The following RASA1 variants were observed in gnomAD, a reference collection of about 807,000 sequenced individuals.
RASA1 encodes the protein ras GTPase-activating protein 1.
A neutral mutation model predicts 132.2 loss-of-function variants in RASA1; 25 were observed. The observed-to-expected ratio is 0.19, with a 90% CI of 0.14 to 0.26. The LOEUF (loss-of-function observed/expected upper bound fraction) is 0.26. RASA1 is among the 10% of genes least tolerant of loss of function. RASA1 has a pLI of 1.00. For synonymous variants in RASA1, 477 were observed against 449.9 expected (o/e 1.06, Z -0.76); for missense variants, 964 against 1,299.2 (o/e 0.74, Z 3.97).
At chr5:87,290,649 T>C (rs192402236) in intron 1 of RASA1, among the ~76,000 whole-genome samples, 20 of 152,336 alleles carry the variant, frequency 1.3e-4, no homozygotes, top group Admixed American at 5.9e-4. Flanking sequence ...CTGTTCATTC[T>C]TCCTTCCCCC....
intron 9 of RASA1, among the ~76,000 whole-genome samples, chr5:87,357,112 TCTGC>T (rs1759708197): frequency 6.6e-6 from 1 of 152,208 alleles, no homozygotes; most frequent in African/African-American, 2.4e-5. Context: ...AGTCTTCCTC[TCTGC>T]CTATCTAAAT....
intron 20 of RASA1, 110 bp downstream of exon 20, chr5:87,380,705 C>A: frequency 9.8e-7 from 1 of 1,019,074 alleles, no homozygotes; most frequent in Non-Finnish European, 1.5e-6. Flanking sequence ...GCTTTTATGT[C>A]AAAGCCCTGT....
intron 15 of RASA1, chr5:87,376,156 T>G: frequency 1.8e-6 from 1 of 557,532 alleles, no homozygotes; most frequent in Non-Finnish European, 3.2e-6. Context: ...AACTGACCTC[T>G]ATGCAACTCA....
In RASA1 at chr5:87,378,432, C is replaced by T. The variant is rs765402218; in HGVS notation, c.2381C>T (p.Ala794Val). 4.3e-6 allele frequency: 7 copies of T among 1,612,828 alleles called. No homozygotes were observed. In the South Asian group the frequency reaches 5.5e-5, roughly 13 times the overall value. ...ATTLFRATTL[A>V]STLMEQYMKA... Reference sequence around the variant, plus strand: ...ACCCTATTTCGAGCCACAACACTTGCAAGCACCTTGATGGAGCAGTATATG... The same window carrying T: ...ACCCTATTTCGAGCCACAACACTTGTAAGCACCTTGATGGAGCAGTATATG... The change falls in exon 18 of 25, where the codon GCA becomes GTA. Residue 794 changes from alanine (A) to valine (V), a missense_variant. By Grantham distance (64) the Ala-to-Val change is moderately conservative. This residue lies in a region of RASA1 where 346 missense variants were observed against 520.1 expected (regional missense o/e 0.67). Transcript: ENST00000274376.
chr5:87,347,656 A>G (rs949858955), intron 7 of RASA1, among the ~76,000 whole-genome samples: 7 of 152,004 alleles, frequency 4.6e-5, no homozygotes, highest in Non-Finnish European at 8.8e-5. Flanking sequence ...GAAAGATTTG[A>G]GATAGTTTTT....
chr5:87,287,072 C>CATATATACACACCAT lies in RASA1; in HGVS notation c.539+18135_539+18149dup, dbSNP rs1199473684. Among the ~76,000 whole-genome samples, 615 of 136,456 alleles carry CATATATACACACCAT rather than the reference C, an allele frequency of 4.5e-3. 10 individuals are homozygous for CATATATACACACCAT. Among genetic ancestry groups the CATATATACACACCAT allele is most frequent in the African/African-American group, 0.01 (353 of 34,580 alleles). The allele number at this position is 136,456 out of a possible 152,430, so 89.5% of individuals were successfully genotyped here. A position where few individuals can be genotyped will look rare whatever the true frequency, so the allele number is the denominator to read the frequency against. On this transcript the variant is annotated intron_variant, in intron 1 of 24. Coordinates refer to ENST00000274376, the MANE Select transcript of RASA1 (RefSeq NM_002890.3). ...ATATATACCCCATGTATATACACAC[C>CATATATACACACCAT]ATATATACACACCATATATATACAC... is the stretch of plus-strand genomic sequence containing the variant.
At chr5:87,339,805 T>C (rs925877444) in intron 5 of RASA1, among the ~76,000 whole-genome samples, 1 of 152,134 alleles carries the variant, frequency 6.6e-6, no homozygotes, top group African/African-American at 2.4e-5. Flanking sequence ...ATAAACAATT[T>C]TCACTCCAAT....
At chr5:87,342,612 A>G (rs1396045270) in intron 6 of RASA1, among the ~76,000 whole-genome samples, 1 of 152,204 alleles carries the variant, frequency 6.6e-6, no homozygotes, top group East Asian at 1.9e-4. Flanking sequence ...GGTACATGGA[A>G]CTGTGTCCCT....
rs772125504 is a variant in RASA1, at chr5:87,268,566, C to G, written c.115C>G (p.Pro39Ala). ...AYPAVCRVKI[P>A]AALPVAAAPY... ...TCCCGCAGTGTGTCGGGTGAAGATACCCGCGGCCCTGCCTGTGGCAGCCGC... is the reference window on the plus strand; with the variant it reads ...TCCCGCAGTGTGTCGGGTGAAGATAGCCGCGGCCCTGCCTGTGGCAGCCGC... Residue 39 changes from proline (P) to alanine (A), a missense_variant, in exon 1 of 25, where the codon CCC (proline) becomes GCC (alanine). Coordinates refer to ENST00000274376, the MANE Select transcript of RASA1 (RefSeq NM_002890.3). 2.5e-6 allele frequency: 4 copies of G among 1,606,484 alleles called. No homozygotes were observed.
intron 23 of RASA1, among the ~76,000 whole-genome samples, chr5:87,387,367 G>A (rs1409426681): frequency 2.0e-5 from 3 of 152,148 alleles, no homozygotes; most frequent in East Asian, 1.9e-4. Flanking sequence ...CATTCAGTGT[G>A]AATATCTGTG....
Position 87,301,098 on chromosome 5 carries a change from G to A in RASA1, c.540-30250G>A, listed in dbSNP as rs148702002. Among the ~76,000 whole-genome samples the A allele has an allele frequency of 2.7e-3, 406 of 152,306 alleles. 5 individuals are homozygous for A. Among genetic ancestry groups the A allele is most frequent in the East Asian group, 8.3e-3 (43 of 5,186 alleles). Reference sequence around the variant, plus strand: ...ACATTTGGCAGTATTGGGGGGTTAAGGGAGATTAAGTCCAAGACAATATAA... The same window carrying A: ...ACATTTGGCAGTATTGGGGGGTTAAAGGAGATTAAGTCCAAGACAATATAA... On this transcript the variant is annotated intron_variant, in intron 1 of 24. Coordinates refer to ENST00000274376, the MANE Select transcript of RASA1 (RefSeq NM_002890.3).
chr5:87,369,896 C>T lies in RASA1; in HGVS notation c.1694C>T (p.Ala565Val), dbSNP rs776428635. 6.2e-7 allele frequency: 1 copy of T among 1,603,628 alleles called. No individual in the cohort carries two copies. Residue 565 changes from alanine (A) to valine (V), a missense_variant, in exon 12 of 25, where the codon GCA (alanine) becomes GTA (valine). Around this residue, in one of 6 missense-constraint regions of RASA1, gnomAD observed 346 missense variants for 520.1 expected, o/e 0.67. Transcript: ENST00000274376. ...TTTGCAGGAGAAACTCCAGAACAAG[C>T]AGAGGTAAGATTACTGTTTCTCAAA... ...FYFAGETPEQ[A>V]EDWMKGLQAF...
chr5:87,268,100 C>T lies in RASA1; in HGVS notation c.-352C>T. The T allele has an allele frequency of 2.4e-6, 1 of 417,788 alleles. No homozygotes were observed. The allele number at this position is 417,788 out of a possible 1,614,324, so 25.9% of individuals were successfully genotyped here. A position where few individuals can be genotyped will look rare whatever the true frequency, so the allele number is the denominator to read the frequency against. On this transcript the variant is annotated 5_prime_UTR_variant, in exon 1 of 25. Transcript: ENST00000274376. ...GTGGCGGCTGAAGGAGCGGTAGCAG[C>T]CTCAGCCTCTTTCCCTGTGCTTCCT...
Position 87,341,339 on chromosome 5 carries a change from A to T in RASA1, c.1049+18A>T. The T allele has an allele frequency of 7.8e-7, 1 of 1,285,276 alleles. No individual in the cohort carries two copies. Among genetic ancestry groups the T allele is most frequent in the Non-Finnish European group, 9.8e-7 (1 of 1,020,004 alleles). 79.6% of individuals were successfully genotyped at this position (1,285,276 alleles called of 1,614,324 possible). On this transcript the variant is annotated intron_variant, in intron 6 of 24. Coordinates refer to ENST00000274376, the MANE Select transcript of RASA1 (RefSeq NM_002890.3). ...GGAAAAATGTGAGTTTGTGTTAATT[A>T]TTAAAATGAAAAAAAAAATCTATAT... is the stretch of plus-strand genomic sequence containing the variant.
chr5:87,387,857 T>C (rs550914436), intron 23 of RASA1, among the ~76,000 whole-genome samples: 33 of 152,336 alleles, frequency 2.2e-4, no homozygotes, highest in African/African-American at 6.3e-4. Flanking sequence ...AACTGGGATA[T>C]AGTTGGTCAA....
intron 9 of RASA1, among the ~76,000 whole-genome samples, chr5:87,355,486 C>T (rs1295393715): frequency 6.6e-6 from 1 of 152,140 alleles, no homozygotes; most frequent in Non-Finnish European, 1.5e-5. Flanking sequence ...ACCTACTGCT[C>T]AGAACAAACA....
chr5:87,269,968 G>A (rs1191865192), intron 1 of RASA1, among the ~76,000 whole-genome samples: 4 of 152,018 alleles, frequency 2.6e-5, no homozygotes, highest in African/African-American at 9.7e-5. Flanking sequence ...CCGGCCGGGC[G>A]CAGTGGCTCA....
chr5:87,386,900 T>G lies in RASA1; in HGVS notation c.2922T>G (p.Leu974=), dbSNP rs780408729. 1 of 1,610,568 alleles carries G rather than the reference T, an allele frequency of 6.2e-7. No individual in the cohort carries two copies. Residue 974 remains leucine (L), a synonymous_variant, in exon 23 of 25, where the codon CTT becomes CTG. Transcript: ENST00000274376. ...GTATGATCATGTTTTTAGATGAACT[T>G]GGGGTATGTATATAGTTTTCAGGTA... is the stretch of plus-strand genomic sequence containing the variant. The part of the protein sequence containing the change: ...KHRMIMFLDE[L]GNVPELPDTT...
chr5:87,269,473 C>T (rs1038148870), intron 1 of RASA1, among the ~76,000 whole-genome samples: 1 of 152,170 alleles, frequency 6.6e-6, no homozygotes, highest in African/African-American at 2.4e-5. Context: ...GTGCACAGCC[C>T]AGCTTCTGAT....
Sources: allele counts gnomAD v4.1 joint callset (sites outside exome capture counted in the v4.1 genomes callset), GRCh38; gene constraint gnomAD v4.1.1; regional missense constraint gnomAD v4.1.1; transcripts MANE v1.5; gene names NCBI Gene and HGNC (gene_info 2026-07-23, HGNC 2026-07-21).